Variants in IGFBP7 observed in about 807,000 individuals in gnomAD.
IGFBP7 encodes the protein insulin like growth factor binding protein 7, also known as insulin-like growth factor-binding protein 7.
IGFBP7 carries 31 observed loss-of-function variants against 29.4 expected under a neutral mutation model. That is an observed-to-expected ratio of 1.05 (90% CI 0.79 to 1.42). IGFBP7 has a LOEUF of 1.42. Ranked by LOEUF, IGFBP7 falls within the 40% of genes most tolerant of loss-of-function variation. IGFBP7 has a pLI of 0.00. For missense variants in IGFBP7, 393 were observed against 395.5 expected, an observed-to-expected ratio of 0.99 and a Z score of 0.05; for synonymous variants, 172 against 174.9, an observed-to-expected ratio of 0.98 and a Z score of 0.13.
chr4:57,088,054 A>G (rs1304793298), intron 1 of IGFBP7, among the ~76,000 whole-genome samples: 2 of 152,108 alleles, frequency 1.3e-5, no homozygotes, highest in Non-Finnish European at 2.9e-5. Context: ...CTGCAGCCTC[A>G]AATTCCTAGG....
At chr4:57,081,325 A>T (rs4560474) in intron 1 of IGFBP7, among the ~76,000 whole-genome samples, 150,779 of 152,188 alleles carry the variant, frequency 0.99, 74,702 homozygotes, top group East Asian at 1. Flanking sequence ...TAAAAATGAC[A>T]GCTGTTAAAA....
At chr4:57,044,744 T>C (rs889038110) in intron 1 of IGFBP7, among the ~76,000 whole-genome samples, 1 of 152,234 alleles carries the variant, frequency 6.6e-6, no homozygotes, top group Non-Finnish European at 1.5e-5. Flanking sequence ...CCAATAACTA[T>C]GGCATAATTT....
intron 1 of IGFBP7, among the ~76,000 whole-genome samples, chr4:57,060,912 G>T (rs7673762): frequency 0.29 from 44,441 of 151,170 alleles, 6,770 homozygotes; most frequent in Middle Eastern, 0.37. Context: ...GGGCAAAAAA[G>T]TTTTTTTTCC....
At position 57,033,189 on chromosome 4, in the gene IGFBP7, A is replaced by G. The variant is rs762529300; in HGVS notation, c.702+6T>C. 9 of 1,565,206 alleles carry G rather than the reference A, an allele frequency of 5.8e-6. No homozygotes were observed. Among genetic ancestry groups the G allele is most frequent in the Non-Finnish European group, 7.9e-6 (9 of 1,135,232 alleles). On this transcript the variant is annotated splice_donor_region_variant and intron_variant, in intron 3 of 4. Coordinates refer to ENST00000295666, the MANE Select transcript of IGFBP7 (RefSeq NM_001553.3). ...ACTCTTGCCAGCTCTTGGTACTGGTACTCACCAGCACCCAGCCAGTTACTT... is the reference window on the plus strand; with the variant it reads ...ACTCTTGCCAGCTCTTGGTACTGGTGCTCACCAGCACCCAGCCAGTTACTT...
intron 1 of IGFBP7, among the ~76,000 whole-genome samples, chr4:57,091,388 CAT>C (rs1491226842): frequency 1.3e-4 from 20 of 152,308 alleles, no homozygotes; most frequent in African/African-American, 4.1e-4. Flanking sequence ...AATGTGGGTA[CAT>C]GTGTGTGTGT....
In IGFBP7 at chr4:57,109,905, G is replaced by A; in HGVS notation, c.447C>T (p.Thr149=). ...RAESRGEKAI[T]QVSKGTCEQG... ...GCTCGCAGGTGCCCTTGCTGACCTG[G>A]GTGATGGCCTTCTCCCCGCGGCTCT... Residue 149 remains threonine, a synonymous_variant, in exon 1 of 5, where the codon ACC becomes ACT. Coordinates refer to ENST00000295666, the MANE Select transcript of IGFBP7 (RefSeq NM_001553.3). 6.4e-7 allele frequency: 1 copy of A among 1,555,782 alleles called. No individual in the cohort carries two copies.
intron 2 of IGFBP7, among the ~76,000 whole-genome samples, chr4:57,039,769 C>T (rs1404901980): frequency 6.6e-6 from 1 of 150,410 alleles, no homozygotes; most frequent in Non-Finnish European, 1.5e-5. Context: ...GGGCCACAGG[C>T]ATGCCTCACC....
chr4:57,031,356 G>T lies in IGFBP7; in HGVS notation c.830-20C>A. On this transcript the variant is annotated intron_variant, in intron 4 of 4. Transcript: ENST00000295666. ...CTTCACCTGTTTAAAAAAAAAAAAAGATAAAAATTAGTTACATATGGGGAT... is the reference window on the plus strand; with the variant it reads ...CTTCACCTGTTTAAAAAAAAAAAAATATAAAAATTAGTTACATATGGGGAT... 1 of 1,527,252 alleles carries T rather than the reference G, an allele frequency of 6.5e-7. No individual in the cohort carries two copies. The highest frequency in any genetic ancestry group is 9.0e-7 in the Non-Finnish European group (1 of 1,113,052). The allele number at this position is 1,527,252 out of a possible 1,614,324, so 94.6% of individuals were successfully genotyped here. A position where few individuals can be genotyped will look rare whatever the true frequency, so the allele number is the denominator to read the frequency against.
chr4:57,101,700 C>A (rs932720992), intron 1 of IGFBP7, among the ~76,000 whole-genome samples: 1 of 151,638 alleles, frequency 6.6e-6, no homozygotes, highest in African/African-American at 2.4e-5. Context: ...CCCCTCCCCC[C>A]ATTATCATCC....
rs1392110748 is a variant in IGFBP7 at position 57,102,146 on chromosome 4, CT to C, written c.475+7730del. On this transcript the variant is annotated intron_variant, in intron 1 of 4. Coordinates refer to ENST00000295666, the MANE Select transcript of IGFBP7 (RefSeq NM_001553.3). ...AAAGGAAGCATCATAATCTCATCCA[CT>C]GTAGGGAGGAATTTTGAATCAGTGA... 6.6e-5 allele frequency among the ~76,000 whole-genome samples: 10 copies of C among 152,282 alleles called. No individual in the cohort carries two copies. The East Asian group carries it at 1.7e-3, about 27-fold the overall frequency.
chr4:57,073,267 G>A (rs1354677325), intron 1 of IGFBP7: 1 of 572,134 alleles, frequency 1.7e-6, no homozygotes, highest in Non-Finnish European at 2.9e-6. Flanking sequence ...AGTCTTTTAA[G>A]CCTCCAGTTG....
intron 1 of IGFBP7, among the ~76,000 whole-genome samples, chr4:57,064,190 C>G (rs1156230246): frequency 6.6e-6 from 1 of 152,106 alleles, no homozygotes; most frequent in Non-Finnish European, 1.5e-5. Context: ...CCAAAAAACA[C>G]ACAAAAAATA....
intron 1 of IGFBP7, among the ~76,000 whole-genome samples, chr4:57,083,239 A>C (rs981682656): frequency 1.3e-5 from 2 of 152,186 alleles, no homozygotes; most frequent in African/African-American, 4.8e-5. Context: ...TTACTTTTGA[A>C]AAGCTTGTTA....
chr4:57,031,315 G>T lies in IGFBP7; in HGVS notation c.*2C>A. 2 of 1,601,636 alleles carry T rather than the reference G, an allele frequency of 1.2e-6. No homozygotes were observed. Among genetic ancestry groups the T allele is most frequent in the Non-Finnish European group, 1.7e-6 (2 of 1,171,616 alleles). On this transcript the variant is annotated 3_prime_UTR_variant, in exon 5 of 5. Transcript: ENST00000295666. Reference sequence around the variant, plus strand: ...CATGCAGACTAATAATATTCTGGAGGTTTATAGCTCGGCACCTTCACCTGT... The same window carrying T: ...CATGCAGACTAATAATATTCTGGAGTTTTATAGCTCGGCACCTTCACCTGT...
intron 1 of IGFBP7, among the ~76,000 whole-genome samples, chr4:57,096,971 A>C (rs1725777090): frequency 6.6e-6 from 1 of 152,248 alleles, no homozygotes; most frequent in Non-Finnish European, 1.5e-5. Context: ...AGCCAAAGAT[A>C]ATACTCAATA....
intron 1 of IGFBP7, among the ~76,000 whole-genome samples, chr4:57,042,409 G>T (rs1005555846): frequency 1.3e-5 from 2 of 152,156 alleles, no homozygotes; most frequent in Non-Finnish European, 2.9e-5. Flanking sequence ...GAGTGCAGTG[G>T]CATGATCTTG....
chr4:57,085,344 G>C (rs1405192068), intron 1 of IGFBP7, among the ~76,000 whole-genome samples: 2 of 152,074 alleles, frequency 1.3e-5, no homozygotes, highest in Non-Finnish European at 2.9e-5. Flanking sequence ...TTCAGTGGTT[G>C]CTGCTTTTGA....
chr4:57,083,350 C>T (rs565009190), intron 1 of IGFBP7, among the ~76,000 whole-genome samples: 1 of 152,264 alleles, frequency 6.6e-6, no homozygotes, highest in East Asian at 1.9e-4. Flanking sequence ...CTAAGCTGAA[C>T]GGGGAAACAT....
chr4:57,094,338 TG>T (rs1725710835), intron 1 of IGFBP7, among the ~76,000 whole-genome samples: 1 of 152,076 alleles, frequency 6.6e-6, no homozygotes, highest in Non-Finnish European at 1.5e-5. Flanking sequence ...AAGTGGAAAC[TG>T]GGAGAGAGAT....
Sources: gnomAD v4.1 joint callset for allele counts (sites outside exome capture counted in the v4.1 genomes callset) on GRCh38, gnomAD v4.1.1 for gene constraint, MANE v1.5 for transcripts, NCBI Gene and HGNC (gene_info 2026-07-23, HGNC 2026-07-21) for gene names.